INSL6: variants seen among roughly 807,000 people sequenced by gnomAD.
INSL6 encodes insulin-like peptide INSL6.
In INSL6, 16 loss-of-function variants were observed where a neutral mutation model predicts 9.4. The observed-to-expected ratio is 1.70, with a 90% CI of 1.15 to 2.59. The LOEUF (loss-of-function observed/expected upper bound fraction) is 2.59. Among genes scored for constraint, INSL6 ranks in the 30% most tolerant of loss-of-function variants. The probability of loss-of-function intolerance (pLI) is 0.00; values close to 1 mark genes in which losing one functional copy is unlikely to be tolerated. For missense variants in INSL6, 391 were observed against 257.3 expected (o/e 1.52, Z -3.56); for synonymous variants, 154 against 96.9 (o/e 1.59, Z -3.46).
chr9:5,154,480 C>A (rs200880175), intron 2 of INSL6, among the ~76,000 whole-genome samples: 4 of 152,110 alleles, frequency 2.6e-5, no homozygotes, highest in South Asian at 2.1e-4. Flanking sequence ...AATGGGATCT[C>A]ATTAAACTAA....
the INSL6 span, among the ~76,000 whole-genome samples, chr9:5,035,867 G>A: frequency 6.6e-6 from 1 of 152,184 alleles, no homozygotes; most frequent in Admixed American, 6.5e-5. Context: ...CATAGTGTTG[G>A]AAGTTCTGGC....
the INSL6 span, among the ~76,000 whole-genome samples, chr9:5,033,362 A>G: frequency 6.6e-6 from 1 of 152,216 alleles, no homozygotes; most frequent in African/African-American, 2.4e-5. Context: ...GAGGCAGGCA[A>G]ACATTCAAAT....
the INSL6 span, among the ~76,000 whole-genome samples, chr9:5,107,750 T>C: frequency 7.2e-5 from 11 of 152,154 alleles, no homozygotes; most frequent in Non-Finnish European, 1.5e-4. Context: ...CATAATACTG[T>C]CAATATTTAT....
chr9:5,167,544 C>G (rs1447439537), intron 1 of INSL6, among the ~76,000 whole-genome samples: 1 of 152,244 alleles, frequency 6.6e-6, no homozygotes, highest in East Asian at 1.9e-4. Context: ...TCCATTCCCC[C>G]TCACGGAGCA....
the INSL6 span, among the ~76,000 whole-genome samples, chr9:5,083,534 T>G: frequency 6.6e-6 from 1 of 152,258 alleles, no homozygotes; most frequent in African/African-American, 2.4e-5. Context: ...TTTATACAAC[T>G]TAATCACAGT....
chr9:5,165,933 T>C (rs1394440396), intron 1 of INSL6, among the ~76,000 whole-genome samples: 2 of 152,204 alleles, frequency 1.3e-5, no homozygotes, highest in African/African-American at 4.8e-5. Flanking sequence ...CTCCACCCTC[T>C]AGCCACAGTG....
chr9:5,090,536 T>C, the INSL6 span: 27 of 1,598,216 alleles, frequency 1.7e-5, no homozygotes, highest in Admixed American at 1.4e-4. Flanking sequence ...ATAGATCACA[T>C]AAAACTTCTG....
the INSL6 span, among the ~76,000 whole-genome samples, chr9:5,054,396 GTT>G: frequency 2.8e-3 from 429 of 152,062 alleles, no homozygotes; most frequent in African/African-American, 1.0e-2. The surrounding 1 kb of genome is among the most constrained non-coding windows in gnomAD (Gnocchi z 4.9). Context: ...AAATCTTAAA[GTT>G]TTATACTGTA....
chr9:5,032,489 C>T, the INSL6 span, among the ~76,000 whole-genome samples: 3 of 152,222 alleles, frequency 2.0e-5, no homozygotes, highest in Non-Finnish European at 2.9e-5. Flanking sequence ...AACTGGGAGG[C>T]ACCCCCAAGT....
the INSL6 span, chr9:5,077,650 C>G: frequency 2.0e-6 from 2 of 991,562 alleles, no homozygotes; most frequent in Non-Finnish European, 2.8e-6. Flanking sequence ...ATTATCTTTA[C>G]CTGGAAACAA....
chr9:5,126,973 C>G (rs1045658504), intron 3 of INSL6: 1 of 360,890 alleles, frequency 2.8e-6, no homozygotes, highest in African/African-American at 2.1e-5. Context: ...ATGAGGCCAC[C>G]AGTAAAAGAC....
chr9:5,116,063 T>C, the INSL6 span, among the ~76,000 whole-genome samples: 1 of 150,538 alleles, frequency 6.6e-6, no homozygotes, highest in South Asian at 2.1e-4. Flanking sequence ...ATAATAAAAT[T>C]TAAAAAAAAA....
the INSL6 span, among the ~76,000 whole-genome samples, chr9:5,001,086 T>C: frequency 9.2e-5 from 14 of 152,236 alleles, no homozygotes; most frequent in Admixed American, 1.3e-4. Flanking sequence ...CATTTATAAG[T>C]TCTAGTAATT....
chr9:4,993,369 A>T, the INSL6 span, among the ~76,000 whole-genome samples: 1 of 152,170 alleles, frequency 6.6e-6, no homozygotes, highest in African/African-American at 2.4e-5. Context: ...GGCTGAAAAG[A>T]TTGTTCTGAG....
At chr9:4,998,257 T>G in the INSL6 span, among the ~76,000 whole-genome samples, 10 of 152,048 alleles carry the variant, frequency 6.6e-5, no homozygotes, top group Admixed American at 2.6e-4. Context: ...TCCAACGGGT[T>G]TTTTTGTTGT....
chr9:5,069,772 G>C, the INSL6 span, among the ~76,000 whole-genome samples: 5 of 152,014 alleles, frequency 3.3e-5, no homozygotes, highest in Non-Finnish European at 7.4e-5. Flanking sequence ...TCAATGAGTT[G>C]ACCCCTAAAA....
chr9:5,014,457 C>G, the INSL6 span, among the ~76,000 whole-genome samples: 5 of 152,140 alleles, frequency 3.3e-5, no homozygotes, highest in Non-Finnish European at 7.3e-5. Context: ...CATTAAGGTT[C>G]TTACCTTCAA....
the INSL6 span, among the ~76,000 whole-genome samples, chr9:5,083,070 A>G: frequency 6.6e-6 from 1 of 152,260 alleles, no homozygotes; most frequent in Non-Finnish European, 1.5e-5. Flanking sequence ...TGAATTAGGC[A>G]GTATTATTCA....
the INSL6 span, among the ~76,000 whole-genome samples, chr9:5,042,985 AG>A: frequency 2.0e-5 from 3 of 152,082 alleles, no homozygotes; most frequent in Non-Finnish European, 1.5e-5. Flanking sequence ...TCAGAAGCTG[AG>A]GGGGGTGGGC....
Sources: allele counts gnomAD v4.1 joint callset (sites outside exome capture counted in the v4.1 genomes callset), GRCh38; gene constraint gnomAD v4.1.1; non-coding constraint Gnocchi (gnomAD v3.1); transcripts MANE v1.5; gene names NCBI Gene and HGNC (gene_info 2026-07-23, HGNC 2026-07-21).